TNFRSF13C: variants seen among roughly 807,000 people sequenced by gnomAD.
TNFRSF13C encodes tumor necrosis factor receptor superfamily member 13C.
Under a neutral mutation model 12.1 loss-of-function variants are expected in TNFRSF13C, and 7 were observed. The observed-to-expected ratio is 0.58, with a 90% confidence interval of 0.33 to 1.08. TNFRSF13C has a LOEUF of 1.08. TNFRSF13C is among the 50% of genes least tolerant of loss of function. The pLI is 0.04. For missense variants in TNFRSF13C, 260 were observed against 265.9 expected (o/e 0.98, Z 0.15); for synonymous variants, 157 against 130.8 (o/e 1.20, Z -1.37).
At chr22:41,925,932 T>C (rs551513520) in intron 2 of TNFRSF13C, among the ~76,000 whole-genome samples, 169 bp downstream of exon 2, 1 of 152,172 alleles carries the variant, frequency 6.6e-6, no homozygotes, top group East Asian at 1.9e-4. Flanking sequence ...CAGGACTATG[T>C]CTCCCTCCCC....
rs1419431842 is a variant in TNFRSF13C, at chr22:41,926,024, G to A, written c.367+77C>T. On this transcript the variant is annotated intron_variant, in intron 2 of 2. Coordinates refer to ENST00000291232, the MANE Select transcript of TNFRSF13C (RefSeq NM_052945.4). This position sits in a 1 kb window ranked among gnomAD's most constrained non-coding sequence, Gnocchi z 4.9. ...CCCTTCTCTCCCCCTCAGGGGCCAT[G>A]CATCTCCCCCTAGACCGTCCCGACA... 6.4e-7 allele frequency: 1 copy of A among 1,565,886 alleles called. No individual in the cohort carries two copies. The highest frequency in any genetic ancestry group is 1.3e-5 in the African/African-American group (1 of 74,142).
At position 41,922,032 on chromosome 22, in the gene TNFRSF13C, T is replaced by C. The variant is rs1025578427; in HGVS notation, c.*3335A>G. The stretch of plus-strand genomic sequence containing the variant: ...TATCCAAATGCCCAGGTGGAAAACC[T>C]TACCATGTTGAAAACTTTATTGTGG... On this transcript the variant is annotated 3_prime_UTR_variant, in exon 3 of 3. Transcript: ENST00000291232. 3.3e-5 allele frequency: 5 copies of C among 152,222 alleles called. No homozygotes were observed. Among genetic ancestry groups the C allele is most frequent in the Non-Finnish European group, 5.9e-5 (4 of 68,048 alleles). The allele number at this position is 152,222 out of a possible 1,614,324, so 9.4% of individuals were successfully genotyped here. A position where few individuals can be genotyped will look rare whatever the true frequency, so the allele number is the denominator to read the frequency against.
At position 41,926,252 on chromosome 22, in the gene TNFRSF13C, C is replaced by G. The variant is rs1198870160; in HGVS notation, c.216G>C (p.Leu72=). The change falls in exon 2 of 3, where the codon CTG becomes CTC. Residue 72 remains leucine (L), a synonymous_variant. Transcript: ENST00000291232. The surrounding 1 kb of genome is among the most constrained non-coding windows in gnomAD (Gnocchi z 4.9). The stretch of plus-strand genomic sequence containing the variant: ...CGCCAAAGAGCAGCCCGGGCAGGGG[C>G]AGCGCCGCCTCGCCGGCCCCCGCGC... ...SVGAGAGEAA[L]PLPGLLFGAP... The G allele has an allele frequency of 4.0e-6, 6 of 1,516,214 alleles. No homozygotes were observed. The highest frequency in any genetic ancestry group is 5.3e-6 in the Non-Finnish European group (6 of 1,138,840). The allele number at this position is 1,516,214 out of a possible 1,614,324, so 93.9% of individuals were successfully genotyped here. A position where few individuals can be genotyped will look rare whatever the true frequency, so the allele number is the denominator to read the frequency against.
chr22:41,926,770 T>C lies in TNFRSF13C; in HGVS notation c.4A>G (p.Arg2Gly). M[R>G]RGPRSLRGRD... ...CCCCGCAGGCTCCGGGGCCCTCGCC[T>C]CATGGTGCCGACGCCGCCGCACAAG... is the stretch of plus-strand genomic sequence containing the variant. The change falls in exon 1 of 3, where the codon AGG becomes GGG. Residue 2 changes from arginine to glycine, a missense_variant. Arg to Gly is a moderately radical substitution (Grantham distance 125, BLOSUM62 -2). Transcript: ENST00000291232. This position sits in a 1 kb window ranked among gnomAD's most constrained non-coding sequence, Gnocchi z 4.9. 7.4e-7 allele frequency: 1 copy of C among 1,343,828 alleles called. No homozygotes were observed. The highest frequency in any genetic ancestry group is 1.8e-5 in the South Asian group (1 of 54,972). 83.2% of individuals were successfully genotyped at this position (1,343,828 alleles called of 1,614,324 possible).
chr22:41,926,284 A>C lies in TNFRSF13C; in HGVS notation c.184T>G (p.Ser62Ala). The change falls in exon 2 of 3, where the codon TCG (serine) becomes GCG (alanine). Residue 62 changes from serine to alanine, a missense_variant. Physicochemically the swap from Ser to Ala is moderately conservative, Grantham distance 99. Coordinates refer to ENST00000291232, the MANE Select transcript of TNFRSF13C (RefSeq NM_052945.4). This position sits in a 1 kb window ranked among gnomAD's most constrained non-coding sequence, Gnocchi z 4.9. ...APRTALQPQESVGAGAGEAAL... is the reference protein window; with the variant it reads ...APRTALQPQEAVGAGAGEAAL... ...GCCTCGCCGGCCCCCGCGCCCACCG[A>C]CTCCTGCGGCTGCAGCGCCGTCCTG... 6.7e-7 allele frequency: 1 copy of C among 1,483,552 alleles called. No individual in the cohort carries two copies. The highest frequency in any genetic ancestry group is 8.9e-7 in the Non-Finnish European group (1 of 1,125,354). 91.9% of individuals were successfully genotyped at this position (1,483,552 alleles called of 1,614,324 possible). A position where few individuals can be genotyped will look rare whatever the true frequency, so the allele number is the denominator to read the frequency against.
At chr22:41,925,838 G>A (rs963127947) in intron 2 of TNFRSF13C, among the ~76,000 whole-genome samples, 4 of 152,114 alleles carry the variant, frequency 2.6e-5, no homozygotes, top group Admixed American at 1.3e-4. Context: ...CTCAGACGGG[G>A]CCCCCTTCCT....
Position 41,925,428 on chromosome 22 carries a change from G to A in TNFRSF13C, c.494C>T (p.Ala165Val). The A allele has an allele frequency of 1.9e-6, 3 of 1,611,476 alleles. No individual in the cohort carries two copies. Among genetic ancestry groups the A allele is most frequent in the Non-Finnish European group, 2.5e-6 (3 of 1,180,008 alleles). ...TPPGHSVPVP[A>V]TELGSTELVT... ...CAGTTCAGTGGAGCCCAGCTCTGTG[G>A]CTGGCACAGGGACACTGTGGCCAGG... is the stretch of plus-strand genomic sequence containing the variant. Residue 165 changes from alanine to valine, a missense_variant, in exon 3 of 3, where the codon GCC (alanine) becomes GTC (valine). Coordinates refer to ENST00000291232, the MANE Select transcript of TNFRSF13C (RefSeq NM_052945.4).
chr22:41,926,344 G>A lies in TNFRSF13C; in HGVS notation c.137-13C>T, dbSNP rs2077631107. On this transcript the variant is annotated splice_polypyrimidine_tract_variant and intron_variant, in intron 1 of 2. Coordinates refer to ENST00000291232, the MANE Select transcript of TNFRSF13C (RefSeq NM_052945.4). This position sits in a 1 kb window ranked among gnomAD's most constrained non-coding sequence, Gnocchi z 4.9. ...CTGCTGGCCCCGGCTGCTTCGGGAGGGGACAGGGAGGGAGGCCAGGGGGCC... is the reference window on the plus strand; with the variant it reads ...CTGCTGGCCCCGGCTGCTTCGGGAGAGGACAGGGAGGGAGGCCAGGGGGCC... The A allele has an allele frequency of 7.2e-7, 1 of 1,382,242 alleles. No individual in the cohort carries two copies. Among genetic ancestry groups the A allele is most frequent in the Non-Finnish European group, 9.3e-7 (1 of 1,076,252 alleles). 85.6% of individuals were successfully genotyped at this position (1,382,242 alleles called of 1,614,324 possible). A position where few individuals can be genotyped will look rare whatever the true frequency, so the allele number is the denominator to read the frequency against.
chr22:41,926,691 A>G lies in TNFRSF13C; in HGVS notation c.83T>C (p.Leu28Pro). The change falls in exon 1 of 3, where the codon CTG becomes CCG. Residue 28 changes from leucine to proline, a missense_variant. Transcript: ENST00000291232. This position sits in a 1 kb window ranked among gnomAD's most constrained non-coding sequence, Gnocchi z 4.9. ...PCVPAECFDLLVRHCVACGLL... is the reference protein window; with the variant it reads ...PCVPAECFDLPVRHCVACGLL... ...CCCGCAGGCCACGCAGTGGCGGACC[A>G]GCAGGTCGAAGCACTCGGCCGGGAC... 4 of 1,459,712 alleles carry G rather than the reference A, an allele frequency of 2.7e-6. No homozygotes were observed. The highest frequency in any genetic ancestry group is 3.0e-5 in the East Asian group (1 of 33,212). 90.4% of individuals were successfully genotyped at this position (1,459,712 alleles called of 1,614,324 possible).
Position 41,926,058 on chromosome 22 carries a change from C to A in TNFRSF13C, c.367+43G>T. The A allele has an allele frequency of 6.2e-7, 1 of 1,610,602 alleles. No homozygotes were observed. Among genetic ancestry groups the A allele is most frequent in the South Asian group, 1.1e-5 (1 of 90,734 alleles). ...CCTAGACCGTCCCGACACCCCAGCC[C>A]CTGCGCCCCGCTCAGACTGGTTCCC... is the stretch of plus-strand genomic sequence containing the variant. On this transcript the variant is annotated intron_variant, in intron 2 of 2. Transcript: ENST00000291232. This position sits in a 1 kb window ranked among gnomAD's most constrained non-coding sequence, Gnocchi z 4.9.
rs898980642 is a variant in TNFRSF13C at position 41,926,243 on chromosome 22, G to C, written c.225C>G (p.Pro75=). 5 of 1,548,296 alleles carry C rather than the reference G, an allele frequency of 3.2e-6. No homozygotes were observed. In the East Asian group the frequency reaches 7.2e-5, roughly 22 times the overall value. Residue 75 remains proline (P), a synonymous_variant, in exon 2 of 3, where the codon CCC becomes CCG. Coordinates refer to ENST00000291232, the MANE Select transcript of TNFRSF13C (RefSeq NM_052945.4). This position sits in a 1 kb window ranked among gnomAD's most constrained non-coding sequence, Gnocchi z 4.9. ...AGAGEAALPL[P]GLLFGAPALL... is the part of the protein sequence containing the mutation. ...GCGCGGGGGCGCCAAAGAGCAGCCC[G>C]GGCAGGGGCAGCGCCGCCTCGCCGG...
Position 41,926,471 on chromosome 22 carries a change from G to C in TNFRSF13C, c.137-140C>G. 2 of 1,110,178 alleles carry C rather than the reference G, an allele frequency of 1.8e-6. No individual in the cohort carries two copies. Among genetic ancestry groups the C allele is most frequent in the South Asian group, 4.5e-5 (2 of 44,170 alleles). 68.8% of individuals were successfully genotyped at this position (1,110,178 alleles called of 1,614,324 possible). The stretch of plus-strand genomic sequence containing the variant: ...GCGGTGGACAAGGGGAGGGAGAGAG[G>C]CGGCGGTGAGGGCCACGCGGTGATC... On this transcript the variant is annotated intron_variant, in intron 1 of 2. Coordinates refer to ENST00000291232, the MANE Select transcript of TNFRSF13C (RefSeq NM_052945.4). This position sits in a 1 kb window ranked among gnomAD's most constrained non-coding sequence, Gnocchi z 4.9.
Position 41,926,727 on chromosome 22 carries a change from G to A in TNFRSF13C, c.47C>T (p.Pro16Leu), listed in dbSNP as rs774206132. Residue 16 changes from proline (P) to leucine (L), a missense_variant, in exon 1 of 3, where the codon CCC becomes CTC. Transcript: ENST00000291232. The surrounding 1 kb of genome is among the most constrained non-coding windows in gnomAD (Gnocchi z 4.9). ...RSLRGRDAPA[P>L]TPCVPAECFD... ...GCACTCGGCCGGGACGCAGGGCGTG[G>A]GGGCTGGCGCGTCCCTGCCCCGCAG... 8 of 1,423,602 alleles carry A rather than the reference G, an allele frequency of 5.6e-6. No individual in the cohort carries two copies. Among genetic ancestry groups the A allele is most frequent in the Non-Finnish European group, 6.4e-6 (7 of 1,091,960 alleles). 88.2% of individuals were successfully genotyped at this position (1,423,602 alleles called of 1,614,324 possible).
chr22:41,924,214 C>T lies in TNFRSF13C; in HGVS notation c.*1153G>A, dbSNP rs1485588621. The T allele has an allele frequency of 1.8e-4, 27 of 150,432 alleles. No individual in the cohort carries two copies. Among genetic ancestry groups the T allele is most frequent in the Admixed American group, 9.9e-4 (15 of 15,094 alleles). The allele number at this position is 150,432 out of a possible 1,614,324, so 9.3% of individuals were successfully genotyped here. A position where few individuals can be genotyped will look rare whatever the true frequency, so the allele number is the denominator to read the frequency against. ...TTTAAAAAAAAAAAAAGGCCAGCCACGGTGGCTCACGCCTGTAATCCTAGC... is the reference window on the plus strand; with the variant it reads ...TTTAAAAAAAAAAAAAGGCCAGCCATGGTGGCTCACGCCTGTAATCCTAGC... On this transcript the variant is annotated 3_prime_UTR_variant, in exon 3 of 3. Coordinates refer to ENST00000291232, the MANE Select transcript of TNFRSF13C (RefSeq NM_052945.4).
rs1602371211 is a variant in TNFRSF13C, at chr22:41,922,561, C to G, written c.*2806G>C. 6.6e-6 allele frequency: 1 copy of G among 151,962 alleles called. No homozygotes were observed. Among genetic ancestry groups the G allele is most frequent in the African/African-American group, 2.4e-5 (1 of 41,340 alleles). The allele number at this position is 151,962 out of a possible 1,614,324, so 9.4% of individuals were successfully genotyped here. ...AGAGAGATGCCCAAGGTTTGCATGT[C>G]TGAGCCCCAGAGGGGTTTCACCCAC... On this transcript the variant is annotated 3_prime_UTR_variant, in exon 3 of 3. Transcript: ENST00000291232.
chr22:41,925,217 C>G lies in TNFRSF13C; in HGVS notation c.*150G>C. 1.2e-6 allele frequency: 1 copy of G among 849,798 alleles called. No individual in the cohort carries two copies. Among genetic ancestry groups the G allele is most frequent in the East Asian group, 2.7e-5 (1 of 37,182 alleles). The allele number at this position is 849,798 out of a possible 1,614,324, so 52.6% of individuals were successfully genotyped here. ...CACCAAACTCCATGGGGGCTGAATG[C>G]TGTGGTCTGTAGTGTCTGTGCTTCT... is the stretch of plus-strand genomic sequence containing the variant. On this transcript the variant is annotated 3_prime_UTR_variant, in exon 3 of 3. Transcript: ENST00000291232.
intron 2 of TNFRSF13C, 102 bp downstream of exon 2, chr22:41,925,999 C>A (rs1435587816): frequency 1.4e-6 from 2 of 1,471,964 alleles, no homozygotes; most frequent in East Asian, 2.3e-5. Flanking sequence ...CCCCTTAAAG[C>A]CCTTCTCTCC....
chr22:41,925,575 G>A, intron 2 of TNFRSF13C, 21 bp from the exon 3 acceptor site: 2 of 1,610,438 alleles, frequency 1.2e-6, no homozygotes, highest in South Asian at 1.1e-5. Flanking sequence ...AGGGGGTAGA[G>A]GCTCCGTACT....
chr22:41,926,392 G>C lies in TNFRSF13C; in HGVS notation c.137-61C>G. On this transcript the variant is annotated intron_variant, in intron 1 of 2. Transcript: ENST00000291232. This position sits in a 1 kb window ranked among gnomAD's most constrained non-coding sequence, Gnocchi z 4.9. ...GCCGAGGGGAGGGAGGAGCGGGGAC[G>C]GGGAGGGGCGGAGGGGGGCGAGGCT... 7.7e-7 allele frequency: 1 copy of C among 1,300,464 alleles called. No homozygotes were observed. Among genetic ancestry groups the C allele is most frequent in the East Asian group, 3.1e-5 (1 of 32,086 alleles). 80.6% of individuals were successfully genotyped at this position (1,300,464 alleles called of 1,614,324 possible). A position where few individuals can be genotyped will look rare whatever the true frequency, so the allele number is the denominator to read the frequency against.
Sources: allele counts gnomAD v4.1 joint callset (sites outside exome capture counted in the v4.1 genomes callset), GRCh38; gene constraint gnomAD v4.1.1; non-coding constraint Gnocchi (gnomAD v3.1); transcripts MANE v1.5; gene names NCBI Gene and HGNC (gene_info 2026-07-23, HGNC 2026-07-21).